The following NRG1 variants were observed in gnomAD, a reference collection of about 807,000 sequenced individuals.
The protein encoded by NRG1 is neuregulin 1.
Under a neutral mutation model 63.8 loss-of-function variants are expected in NRG1, and 18 were observed. The ratio of observed to expected loss-of-function variants is 0.28; its 90% CI spans 0.19 to 0.42. The LOEUF (loss-of-function observed/expected upper bound fraction) is 0.42, where lower values mean the gene tolerates loss of function less well. Ranked by LOEUF, NRG1 falls within the 10% of genes least tolerant of loss-of-function variation. The pLI, the probability that NRG1 is intolerant of heterozygous loss-of-function variation, is 1.00. For synonymous variants in NRG1, 302 were observed against 301.3 expected, an observed-to-expected ratio of 1.00 and a Z score of -0.02; for missense variants, 762 against 814.7, an observed-to-expected ratio of 0.94 and a Z score of 0.79.
At chr8:32,455,002 A>G (rs1821429655) in intron 1 of NRG1, among the ~76,000 whole-genome samples, 1 of 152,200 alleles carries the variant, frequency 6.6e-6, no homozygotes, top group Non-Finnish European at 1.5e-5. Context: ...GACTTGCTGT[A>G]CAGGTTTGTA....
At chr8:32,178,081 A>G (rs891556714) in intron 1 of NRG1, among the ~76,000 whole-genome samples, 2 of 152,098 alleles carry the variant, frequency 1.3e-5, no homozygotes, top group African/African-American at 2.4e-5. Flanking sequence ...GAAGAAATAA[A>G]AGGCCCAGAA....
At chr8:32,765,991 G>A (rs1831401435) in exon 12 of NRG1, 1 of 152,142 alleles carries the variant, frequency 6.6e-6, no homozygotes, top group Admixed American at 6.5e-5. Flanking sequence ...TGAAATCAGG[G>A]CTGGAGCTTT....
At chr8:32,054,478 C>G (rs1029242545) in intron 1 of NRG1, among the ~76,000 whole-genome samples, 6 of 152,208 alleles carry the variant, frequency 3.9e-5, no homozygotes, top group African/African-American at 1.4e-4. Context: ...CAGTCACCAA[C>G]AGAAGCTTTA....
chr8:32,617,576 G>A (rs1339848859), intron 5 of NRG1, among the ~76,000 whole-genome samples: 2 of 152,142 alleles, frequency 1.3e-5, no homozygotes, highest in South Asian at 2.1e-4. Flanking sequence ...GAATATCATC[G>A]TATTAAATTT....
chr8:32,430,698 G>A (rs1187550897), intron 1 of NRG1, among the ~76,000 whole-genome samples: 3 of 151,890 alleles, frequency 2.0e-5, no homozygotes, highest in Non-Finnish European at 4.4e-5. Flanking sequence ...ATTGACTAAC[G>A]ACAGCATCCA....
chr8:32,356,120 G>A (rs1399151616), intron 1 of NRG1, among the ~76,000 whole-genome samples: 2 of 152,180 alleles, frequency 1.3e-5, no homozygotes. Flanking sequence ...CTGCCAAGTA[G>A]AGCACTGAGA....
chr8:32,660,941 G>A (rs958118487), intron 5 of NRG1, among the ~76,000 whole-genome samples: 1 of 152,232 alleles, frequency 6.6e-6, no homozygotes, highest in African/African-American at 2.4e-5. Flanking sequence ...GGAATTCCAA[G>A]GGACCTATTG....
At chr8:32,765,506 G>A (rs1463957346) in exon 12 of NRG1, 1 of 152,110 alleles carries the variant, frequency 6.6e-6, no homozygotes, top group South Asian at 2.1e-4. Context: ...CTGTATAGGT[G>A]GAGAGAAGCT....
chr8:31,922,959 A>G (rs946607924), intron 1 of NRG1, among the ~76,000 whole-genome samples: 6 of 152,172 alleles, frequency 3.9e-5, no homozygotes, highest in African/African-American at 1.4e-4. Context: ...ATGAAAGTGG[A>G]ACCTGATCTT....
rs531151919 is a variant in NRG1, at chr8:32,422,306, G to T, written c.38-173522G>T. On this transcript the variant is annotated intron_variant, in intron 1 of 10. Transcript: ENST00000519301. ...TATTAAACATATTAGTTTATAACTTGTTCTTTGTTCCTTTTCTAACATACT... is the reference window on the plus strand; with the variant it reads ...TATTAAACATATTAGTTTATAACTTTTTCTTTGTTCCTTTTCTAACATACT... Among the ~76,000 whole-genome samples, 106 of 152,114 alleles carry T rather than the reference G, an allele frequency of 7.0e-4. 1 individual carries two copies. Among genetic ancestry groups the T allele is most frequent in the African/African-American group, 2.5e-3 (104 of 41,480 alleles).
intron 1 of NRG1, among the ~76,000 whole-genome samples, chr8:31,712,056 C>G (rs368280534): frequency 1.6e-4 from 24 of 151,776 alleles, no homozygotes; most frequent in African/African-American, 5.8e-4. Flanking sequence ...CTTCTGTATC[C>G]GTCATCTAGT....
intron 5 of NRG1, chr8:32,648,390 T>G: frequency 6.3e-7 from 1 of 1,581,336 alleles, no homozygotes; most frequent in Non-Finnish European, 8.7e-7. Flanking sequence ...ACTTTGTAAG[T>G]AGAGAGAGAG....
Position 32,391,035 on chromosome 8 carries a change from CTTATT to C in NRG1, c.38-204785_38-204781del, listed in dbSNP as rs1376997292. Among the ~76,000 whole-genome samples the C allele has an allele frequency of 5.9e-5, 9 of 152,234 alleles. No homozygotes were observed. In the East Asian group the frequency reaches 1.7e-3, roughly 29 times the overall value. On this transcript the variant is annotated intron_variant, in intron 1 of 10. Coordinates refer to the NRG1 transcript ENST00000519301. Reference sequence around the variant, plus strand: ...AATATTTTAGATTTCTTACACACAACTTATTTTATTTTCATCCACTGAAGCTCTCA... The same window carrying C: ...AATATTTTAGATTTCTTACACACAACTTATTTTCATCCACTGAAGCTCTCA...
intron 1 of NRG1, among the ~76,000 whole-genome samples, chr8:32,129,505 C>T (rs1352607379): frequency 6.6e-6 from 1 of 151,934 alleles, no homozygotes; most frequent in Non-Finnish European, 1.5e-5. Context: ...GGAAACCAAT[C>T]ACATTGGATT....
At chr8:32,171,906 C>T (rs1387959359) in intron 1 of NRG1, among the ~76,000 whole-genome samples, 2 of 152,206 alleles carry the variant, frequency 1.3e-5, no homozygotes, top group Non-Finnish European at 2.9e-5. Context: ...CCTCTGTAGA[C>T]TCCACCTCTG....
chr8:31,737,885 T>C (rs1294109625), intron 1 of NRG1, among the ~76,000 whole-genome samples: 1 of 152,110 alleles, frequency 6.6e-6, no homozygotes, highest in Non-Finnish European at 1.5e-5. Context: ...ATTAGCTTAT[T>C]AGAGATTCTG....
intron 1 of NRG1, among the ~76,000 whole-genome samples, chr8:31,654,551 AG>A (rs1412332202): frequency 6.6e-6 from 1 of 152,234 alleles, no homozygotes; most frequent in Non-Finnish European, 1.5e-5. Context: ...CTTGAGTTCA[AG>A]GTCACTAAAG....
At chr8:32,635,564 G>A (rs974245506) in intron 5 of NRG1, among the ~76,000 whole-genome samples, 2 of 151,880 alleles carry the variant, frequency 1.3e-5, no homozygotes, top group African/African-American at 2.4e-5. Flanking sequence ...CAGTAAGTTA[G>A]TTATTTTTAT....
chr8:31,883,709 G>T (rs1457736998), intron 1 of NRG1, among the ~76,000 whole-genome samples: 3 of 152,062 alleles, frequency 2.0e-5, no homozygotes, highest in African/African-American at 7.2e-5. Context: ...TGGTTGGAGG[G>T]CATTAAAGAT....
Sources: allele counts gnomAD v4.1 joint callset (sites outside exome capture counted in the v4.1 genomes callset), GRCh38; gene constraint gnomAD v4.1.1; transcripts MANE v1.5; gene names NCBI Gene and HGNC (gene_info 2026-07-23, HGNC 2026-07-21).